The following SMC1A variants were observed in gnomAD, a reference collection of about 807,000 sequenced individuals.
SMC1A encodes structural maintenance of chromosomes protein 1A.
SMC1A carries 4 observed loss-of-function variants against 94.5 expected under a neutral mutation model. The ratio of observed to expected loss-of-function variants is 0.04; its 90% CI spans 0.02 to 0.10. The LOEUF (loss-of-function observed/expected upper bound fraction) is 0.10. SMC1A is among the 10% of genes least tolerant of loss of function. The pLI, the probability that SMC1A is intolerant of heterozygous loss-of-function variation, is 1.00. For missense variants in SMC1A, 304 were observed against 989.0 expected (o/e 0.31, Z 9.29); for synonymous variants, 345 against 347.7 (o/e 0.99, Z 0.09).
Position 53,403,616 on chromosome X carries a change from C to T in SMC1A, c.2370G>A (p.Arg790=), listed in dbSNP as rs1556889222. 8.3e-7 allele frequency: 1 copy of T among 1,208,764 alleles called. No homozygotes were observed. Among genetic ancestry groups the T allele is most frequent in the South Asian group, 1.8e-5 (1 of 56,364 alleles). Residue 790 remains arginine, a synonymous_variant, in exon 15 of 25, where the codon CGG becomes CGA. Transcript: ENST00000322213. ...FCREIGVRNI[R]EFEEEKVKRQ... ...GTTTCACCTTTTCTTCCTCAAACTC[C>T]CGGATGTTGCGCACACCAATCTCCC...
chrX:53,422,082 G>A (rs1456989477), intron 1 of SMC1A: 3 of 1,176,618 alleles, frequency 2.5e-6, no homozygotes, highest in Middle Eastern at 3.0e-4. Context: ...GGCCACGGGA[G>A]AGCTACCAGC....
intron 7 of SMC1A, among the ~76,000 whole-genome samples, chrX:53,411,017 C>G (rs2075710405): frequency 9.6e-6 from 1 of 103,769 alleles, no homozygotes; most frequent in South Asian, 4.6e-4. Context: ...ATTGCTTAAG[C>G]CTGGGAAGTC....
At chrX:53,393,986 G>A (rs906786113) in intron 19 of SMC1A, among the ~76,000 whole-genome samples, 2 of 108,464 alleles carry the variant, frequency 1.8e-5, no homozygotes, top group Non-Finnish European at 3.8e-5. Context: ...GTAGAACCCC[G>A]CCTCTACTAA....
At chrX:53,390,605 TA>T (rs1345074877) in intron 19 of SMC1A, among the ~76,000 whole-genome samples, 1 of 110,589 alleles carries the variant, frequency 9.0e-6, no homozygotes, top group Non-Finnish European at 1.9e-5. Context: ...CTTTTGCATA[TA>T]AAATTTTCCA....
At position 53,385,599 on chromosome X, in the gene SMC1A, A is replaced by G. The variant is rs200726050; in HGVS notation, c.2974-2346T>C. Among the ~76,000 whole-genome samples the G allele has an allele frequency of 6.3e-5, 7 of 110,945 alleles. No homozygotes were observed. The East Asian group carries it at 2.0e-3, about 31-fold the overall frequency. The stretch of plus-strand genomic sequence containing the variant: ...CCCAGGATAGATTTTTAAGTAAAAT[A>G]TGAAAGCTACACAATAGTGTATCTA... On this transcript the variant is annotated intron_variant, in intron 19 of 24. Transcript: ENST00000322213.
chrX:53,412,102 G>C lies in SMC1A; in HGVS notation c.1006C>G (p.Leu336Val). ...TCCACTGACAGCATCTCCTTCTCCA[G>C]CTCATCCATGTCACCTTTACGCTTC... Reference protein sequence around the residue: ...YKKRKGDMDELEKEMLSVEKA... With the variant: ...YKKRKGDMDEVEKEMLSVEKA... The change falls in exon 6 of 25, where the codon CTG becomes GTG. Residue 336 changes from leucine to valine, a missense_variant. Leu to Val is a conservative substitution (Grantham distance 32). Around this residue, in one of 11 missense-constraint regions of SMC1A, gnomAD observed 120 missense variants for 314.9 expected, o/e 0.38. Transcript: ENST00000322213. The C allele has an allele frequency of 8.3e-7, 1 of 1,211,264 alleles. No individual in the cohort carries two copies. Among genetic ancestry groups the C allele is most frequent in the Non-Finnish European group, 1.1e-6 (1 of 895,178 alleles).
intron 15 of SMC1A, among the ~76,000 whole-genome samples, chrX:53,402,000 TC>T (rs2075672206): frequency 9.0e-6 from 1 of 110,809 alleles, no homozygotes. Context: ...TTTTTATTTT[TC>T]CTGTTGTTGA....
chrX:53,412,295 A>G (rs1556890645), intron 5 of SMC1A, 42 bp from the exon 6 acceptor site: 1 of 1,189,510 alleles, frequency 8.4e-7, no homozygotes, highest in East Asian at 3.0e-5. Context: ...GAACTATGGA[A>G]GAAGGGAGGG....
In SMC1A at chrX:53,422,622, A is replaced by G; in HGVS notation, c.-22T>C. 9.6e-7 allele frequency: 1 copy of G among 1,046,518 alleles called. No individual in the cohort carries two copies. The allele number at this position is 1,046,518 out of a possible 1,213,427, so 86.2% of individuals were successfully genotyped here. On this transcript the variant is annotated 5_prime_UTR_variant, in exon 1 of 25. Transcript: ENST00000322213. ...CCATGACGGCCGCGGCGCCGGCGGC[A>G]GTAGGACAGGCCGCGCCGTACGCCC...
intron 1 of SMC1A, among the ~76,000 whole-genome samples, chrX:53,419,890 C>A (rs193202319): frequency 9.1e-6 from 1 of 109,717 alleles, no homozygotes; most frequent in East Asian, 2.9e-4. Flanking sequence ...TGCAGTGAGC[C>A]GAGGTCATGC....
Position 53,419,295 on chromosome X carries a change from C to T in SMC1A, c.109+3197G>A, listed in dbSNP as rs145648160. On this transcript the variant is annotated intron_variant, in intron 1 of 24. Coordinates refer to ENST00000322213, the MANE Select transcript of SMC1A (RefSeq NM_006306.4). ...TAATCCCAGCACTCTGGGAAGCAGA[C>T]GTGGGTGGATCACTTGACCTCGGGA... is the stretch of plus-strand genomic sequence containing the variant. Among the ~76,000 whole-genome samples the T allele has an allele frequency of 9.9e-3, 1,077 of 109,216 alleles. 12 individuals carry two copies. Among genetic ancestry groups the T allele is most frequent in the African/African-American group, 0.034 (1,027 of 29,975 alleles). The allele number at this position is 109,216 out of a possible 115,157, so 94.8% of individuals were successfully genotyped here.
intron 9 of SMC1A, 25 bp from the exon 10 acceptor site, chrX:53,405,981 TGAAGTATGAAGCTTTTG>T: frequency 8.4e-7 from 1 of 1,186,832 alleles, no homozygotes; most frequent in Non-Finnish European, 1.1e-6. Flanking sequence ...AAGGGAAAAC[TGAAGTATGAAGCTTTTG>T]GAAGCTGGCT....
At chrX:53,396,132 T>C in intron 18 of SMC1A, 95 bp downstream of exon 18, 6 of 1,005,025 alleles carry the variant, frequency 6.0e-6, no homozygotes, top group Middle Eastern at 2.9e-4. Flanking sequence ...GCCCACCATC[T>C]TTCTCTCTCT....
chrX:53,420,114 G>A (rs887724195), intron 1 of SMC1A, among the ~76,000 whole-genome samples: 16 of 112,401 alleles, frequency 1.4e-4, no homozygotes, highest in Non-Finnish European at 2.3e-4. Context: ...CAGGAGCACA[G>A]GCATGGGTTC....
At chrX:53,408,956 C>T in intron 9 of SMC1A, 106 bp downstream of exon 9, 1 of 775,714 alleles carries the variant, frequency 1.3e-6, no homozygotes, top group Admixed American at 2.5e-5. Flanking sequence ...TCATTTCCCC[C>T]AACAATAAAA....
At chrX:53,395,339 T>C (rs782638399) in intron 18 of SMC1A, among the ~76,000 whole-genome samples, 3 of 111,456 alleles carry the variant, frequency 2.7e-5, no homozygotes, top group African/African-American at 6.5e-5. Context: ...CAAGACTCTG[T>C]CTCAAAAAAT....
At chrX:53,387,973 T>C (rs1304618220) in intron 19 of SMC1A, among the ~76,000 whole-genome samples, 4 of 111,769 alleles carry the variant, frequency 3.6e-5, no homozygotes, top group Non-Finnish European at 5.6e-5. Flanking sequence ...GCCTTTCCTA[T>C]ACAAACTGTA....
At chrX:53,401,606 C>T (rs1347039026) in intron 15 of SMC1A, among the ~76,000 whole-genome samples, 3 of 111,242 alleles carry the variant, frequency 2.7e-5, no homozygotes, top group African/African-American at 9.8e-5. Context: ...ACATTGCCAC[C>T]AATGTCCCAC....
Position 53,380,084 on chromosome X carries a change from C to A in SMC1A, c.*19G>T, listed in dbSNP as rs782233428. On this transcript the variant is annotated 3_prime_UTR_variant, in exon 25 of 25. Transcript: ENST00000322213. ...GGACAGCTTAGGGATCCAGACAGGG[C>A]GGGAGGGCAAAAATACTGCTACTGC... 7.9e-6 allele frequency: 9 copies of A among 1,142,888 alleles called. No individual in the cohort carries two copies. The South Asian group carries it at 1.6e-4, about 21-fold the overall frequency. The allele number at this position is 1,142,888 out of a possible 1,213,427, so 94.2% of individuals were successfully genotyped here.
Sources: gnomAD v4.1 joint callset for allele counts (sites outside exome capture counted in the v4.1 genomes callset) on GRCh38, gnomAD v4.1.1 for gene constraint, gnomAD v4.1.1 regional missense constraint, MANE v1.5 for transcripts, NCBI Gene and HGNC (gene_info 2026-07-23, HGNC 2026-07-21) for gene names.